The following KRIT1 variants were observed in gnomAD, a reference collection of about 807,000 sequenced individuals.
The protein encoded by KRIT1 is KRIT1 ankyrin repeat containing, also known as krev interaction trapped protein 1.
Under a neutral mutation model 95.8 loss-of-function variants are expected in KRIT1, and 45 were observed. The observed-to-expected ratio is 0.47, with a 90% CI of 0.37 to 0.60. The LOEUF (loss-of-function observed/expected upper bound fraction) is 0.60. KRIT1 is among the 20% of genes least tolerant of loss of function. KRIT1 has a pLI of 0.00. For missense variants in KRIT1, 788 were observed against 877.5 expected, an observed-to-expected ratio of 0.90 and a Z score of 1.29; for synonymous variants, 282 against 278.8, an observed-to-expected ratio of 1.01 and a Z score of -0.11.
At chr7:92,201,465 A>G in intron 17 of KRIT1, 42 bp from the exon 18 acceptor site, 1 of 933,778 alleles carries the variant, frequency 1.1e-6, no homozygotes, top group Non-Finnish European at 1.8e-6. Context: ...ATACATATTA[A>G]AAACTTCACC....
intron 17 of KRIT1, among the ~76,000 whole-genome samples, chr7:92,212,818 G>T (rs1327575885): frequency 6.6e-6 from 1 of 152,116 alleles, no homozygotes. Flanking sequence ...AAGGCTTCAA[G>T]AAATATTTTA....
At chr7:92,222,658 T>TA (rs1177753481) in intron 13 of KRIT1, among the ~76,000 whole-genome samples, 164 bp downstream of exon 13, 1 of 152,194 alleles carries the variant, frequency 6.6e-6, no homozygotes, top group Non-Finnish European at 1.5e-5. Flanking sequence ...GGCAGGGACT[T>TA]ACCTGTTTCA....
intron 4 of KRIT1, among the ~76,000 whole-genome samples, chr7:92,241,489 G>A (rs1050493362): frequency 1.3e-5 from 2 of 151,990 alleles, no homozygotes; most frequent in Non-Finnish European, 2.9e-5. Flanking sequence ...AGATAAATTA[G>A]GTTAAATTAG....
chr7:92,229,506 G>C (rs575627569), intron 10 of KRIT1, among the ~76,000 whole-genome samples: 1 of 152,228 alleles, frequency 6.6e-6, no homozygotes, highest in Admixed American at 6.5e-5. Flanking sequence ...CTTTTCTAAA[G>C]AAGACATACA....
chr7:92,235,657 A>G lies in KRIT1; in HGVS notation c.486-11T>C. On this transcript the variant is annotated splice_polypyrimidine_tract_variant and intron_variant, in intron 7 of 18. Transcript: ENST00000394505. Reference sequence around the variant, plus strand: ...CGTTCATCTAACCACCTGGCAAAATAAAAAAACAGGTAGAAGTAGCCATTC... The same window carrying G: ...CGTTCATCTAACCACCTGGCAAAATGAAAAAACAGGTAGAAGTAGCCATTC... 1 of 1,613,050 alleles carries G rather than the reference A, an allele frequency of 6.2e-7. No individual in the cohort carries two copies. The highest frequency in any genetic ancestry group is 8.5e-7 in the Non-Finnish European group (1 of 1,179,430).
chr7:92,222,126 T>G, intron 13 of KRIT1, 73 bp from the exon 14 acceptor site: 1 of 1,164,320 alleles, frequency 8.6e-7, no homozygotes, highest in Non-Finnish European at 1.3e-6. Context: ...AACTTTGTAT[T>G]AAACTGTCTG....
At chr7:92,235,992 A>G in intron 7 of KRIT1, 1 of 251,452 alleles carries the variant, frequency 4.0e-6, no homozygotes, top group Non-Finnish European at 7.7e-6. Flanking sequence ...ATGTGCCATT[A>G]TAGTAATAAA....
chr7:92,226,407 T>C, intron 11 of KRIT1, 119 bp downstream of exon 11: 1 of 784,004 alleles, frequency 1.3e-6, no homozygotes, highest in Non-Finnish European at 2.2e-6. Flanking sequence ...TTCTATAAAG[T>C]AATGGAATTT....
chr7:92,214,364 T>C (rs553281368), intron 15 of KRIT1, among the ~76,000 whole-genome samples: 120 of 152,176 alleles, frequency 7.9e-4, no homozygotes, highest in Middle Eastern at 3.4e-3. Flanking sequence ...TGAACTTATT[T>C]AAGCATAAAG....
rs140396626 is a variant in KRIT1, at chr7:92,235,543, T to C, written c.589A>G (p.Thr197Ala). The change falls in exon 8 of 19, where the codon ACT (threonine) becomes GCT (alanine). Residue 197 changes from threonine to alanine, a missense_variant. By Grantham distance (58) the Thr-to-Ala change is moderately conservative (BLOSUM62 0). This residue lies in a region of KRIT1 where 289 missense variants were observed against 277.5 expected (regional missense o/e 1.04). Transcript: ENST00000394505. ...GAGTTTTCTGTCTGACCTGATTCAG[T>C]AGCATATGCAGGATTTATGACATTA... ...KTNVINPAYATESGQTENSLH... is the reference protein window; with the variant it reads ...KTNVINPAYAAESGQTENSLH... 147 of 1,613,752 alleles carry C rather than the reference T, an allele frequency of 9.1e-5. No homozygotes were observed. The highest frequency in any genetic ancestry group is 1.2e-4 in the Non-Finnish European group (143 of 1,179,868).
intron 18 of KRIT1, 61 bp from the exon 19 acceptor site, chr7:92,200,865 C>T: frequency 8.6e-7 from 1 of 1,159,794 alleles, no homozygotes. Flanking sequence ...AAAGGACATT[C>T]ATGACATTGG....
rs369184000 is a variant in KRIT1 at position 92,232,839 on chromosome 7, A to G, written c.989+1610T>C. Among the ~76,000 whole-genome samples the G allele has an allele frequency of 2.1e-3, 326 of 151,870 alleles. 4 individuals are homozygous for G. The highest frequency in any genetic ancestry group is 7.3e-3 in the African/African-American group (301 of 41,410). On this transcript the variant is annotated intron_variant, in intron 10 of 18. Transcript: ENST00000394505. ...CTCCCAAGTAGCTGGGACTACAGGC[A>G]CCCGCCACCACACCCGGCTAATTTT...
chr7:92,213,898 T>C lies in KRIT1; in HGVS notation c.1812A>G (p.Glu604=). 4 of 1,578,058 alleles carry C rather than the reference T, an allele frequency of 2.5e-6. No homozygotes were observed. The highest frequency in any genetic ancestry group is 1.1e-5 in the South Asian group (1 of 90,390). ...TTTCTATTAAACAGCTTACCTTGTA[T>C]TCATGAAGTATGCGATTTGTCCAGT... ...APHWTNRILH[E]YKNLSTSEGV... The change falls in exon 16 of 19, where the codon GAA becomes GAG. Residue 604 remains glutamate, a synonymous_variant. Coordinates refer to ENST00000394505, the MANE Select transcript of KRIT1 (RefSeq NM_194454.3).
intron 10 of KRIT1, among the ~76,000 whole-genome samples, chr7:92,231,536 G>A (rs1372192897): frequency 6.6e-6 from 1 of 152,138 alleles, no homozygotes; most frequent in Admixed American, 6.5e-5. Flanking sequence ...ATGAGACCAA[G>A]TGAGGTAAAA....
intron 5 of KRIT1, among the ~76,000 whole-genome samples, chr7:92,239,635 G>C (rs1469115544): frequency 6.6e-6 from 1 of 151,462 alleles, no homozygotes; most frequent in Admixed American, 6.6e-5. Context: ...ATTATACAGT[G>C]AATCTGGTAA....
At chr7:92,223,729 G>C (rs1795643853) in intron 12 of KRIT1, among the ~76,000 whole-genome samples, 1 of 152,068 alleles carries the variant, frequency 6.6e-6, no homozygotes, top group African/African-American at 2.4e-5. Flanking sequence ...TGTCCTAAGA[G>C]GAATTTGTGA....
chr7:92,243,478 T>C (rs964171911), intron 3 of KRIT1, among the ~76,000 whole-genome samples: 31 of 152,340 alleles, frequency 2.0e-4, no homozygotes, highest in African/African-American at 7.2e-4. Flanking sequence ...TACCTGTTCA[T>C]ATTTAATGAG....
intron 14 of KRIT1, among the ~76,000 whole-genome samples, chr7:92,217,068 A>C (rs1324138511): frequency 6.6e-6 from 1 of 152,188 alleles, no homozygotes; most frequent in African/African-American, 2.4e-5. Context: ...TACCATAAGA[A>C]CTTACTAAGC....
At chr7:92,220,659 T>A (rs1361841319) in intron 14 of KRIT1, among the ~76,000 whole-genome samples, 1 of 151,916 alleles carries the variant, frequency 6.6e-6, no homozygotes, top group Non-Finnish European at 1.5e-5. Context: ...TTTAAGCTGT[T>A]ATAATCTCTC....
Sources: allele counts gnomAD v4.1 joint callset (sites outside exome capture counted in the v4.1 genomes callset), GRCh38; gene constraint gnomAD v4.1.1; regional missense constraint gnomAD v4.1.1; transcripts MANE v1.5; gene names NCBI Gene and HGNC (gene_info 2026-07-23, HGNC 2026-07-21).